CYFIP1: variants seen among roughly 807,000 people sequenced by gnomAD.
The protein encoded by CYFIP1 is cytoplasmic FMR1 interacting protein 1, also known as cytoplasmic FMR1-interacting protein 1.
CYFIP1 carries 58 observed loss-of-function variants against 163.5 expected under a neutral mutation model. The ratio of observed to expected loss-of-function variants is 0.35; its 90% confidence interval spans 0.29 to 0.44. CYFIP1 has a LOEUF of 0.44. CYFIP1 is among the 20% of genes least tolerant of loss of function. CYFIP1 has a pLI of 1.00. For synonymous variants in CYFIP1, 663 were observed against 660.7 expected, an observed-to-expected ratio of 1.00 and a Z score of -0.05; for missense variants, 1,338 against 1,653.8, an observed-to-expected ratio of 0.81 and a Z score of 3.31.
At chr15:22,915,945 C>A (rs943315740) in intron 16 of CYFIP1, among the ~76,000 whole-genome samples, 1 of 152,134 alleles carries the variant, frequency 6.6e-6, no homozygotes, top group African/African-American at 2.4e-5. Context: ...TCCAATACCT[C>A]GCAGCACCCC....
intron 13 of CYFIP1, among the ~76,000 whole-genome samples, chr15:22,920,008 C>T (rs1204223116): frequency 3.3e-5 from 5 of 151,404 alleles, no homozygotes; most frequent in African/African-American, 7.3e-5. Flanking sequence ...GGTGACAGAG[C>T]GAGACCCTGT....
chr15:22,966,867 G>A (rs977937278), intron 1 of CYFIP1, among the ~76,000 whole-genome samples: 31 of 152,038 alleles, frequency 2.0e-4, no homozygotes, highest in African/African-American at 4.8e-4. Flanking sequence ...TGTAAGACTC[G>A]CTAGCATCTG....
chr15:22,907,164 G>A (rs180932219), intron 21 of CYFIP1, among the ~76,000 whole-genome samples: 35 of 152,332 alleles, frequency 2.3e-4, no homozygotes, highest in Admixed American at 1.0e-3. Flanking sequence ...CAATTCCAGA[G>A]TCAGCAGGGC....
intron 11 of CYFIP1, among the ~76,000 whole-genome samples, chr15:22,928,928 CTGAG>C (rs1273415500): frequency 6.6e-6 from 1 of 151,808 alleles, no homozygotes; most frequent in Non-Finnish European, 1.5e-5. Flanking sequence ...TTAAAATCCT[CTGAG>C]TGAGGGGCCC....
At chr15:22,883,972 G>A (rs1254984096) in intron 23 of CYFIP1, among the ~76,000 whole-genome samples, 2 of 152,118 alleles carry the variant, frequency 1.3e-5, no homozygotes, top group Non-Finnish European at 2.9e-5. Context: ...AAAAGGCGAA[G>A]CCCCTTATAA....
chr15:22,972,210 C>T (rs1413583630), intron 1 of CYFIP1, among the ~76,000 whole-genome samples: 3 of 151,930 alleles, frequency 2.0e-5, no homozygotes, highest in Non-Finnish European at 4.4e-5. Context: ...CTGAGGTGGG[C>T]GGATCACCTG....
At chr15:22,950,654 T>C (rs1393432750) in intron 1 of CYFIP1, among the ~76,000 whole-genome samples, 3 of 152,180 alleles carry the variant, frequency 2.0e-5, no homozygotes, top group Non-Finnish European at 4.4e-5. Context: ...CTGTTCTGAG[T>C]AGGATGATAA....
chr15:22,895,862 G>A (rs372966101), intron 22 of CYFIP1, among the ~76,000 whole-genome samples: 11 of 152,200 alleles, frequency 7.2e-5, no homozygotes, highest in Non-Finnish European at 1.3e-4. Context: ...CCTGAGGAGC[G>A]TCCCACCTCA....
intron 11 of CYFIP1, among the ~76,000 whole-genome samples, chr15:22,931,346 T>C (rs2061530676): frequency 6.6e-6 from 1 of 151,956 alleles, no homozygotes; most frequent in African/African-American, 2.4e-5. Flanking sequence ...AATGACAACA[T>C]GGCAAACCCA....
chr15:22,942,775 G>A (rs749864821), intron 6 of CYFIP1, among the ~76,000 whole-genome samples: 7 of 152,320 alleles, frequency 4.6e-5, no homozygotes, highest in South Asian at 2.1e-4. Context: ...GACCGGCACC[G>A]AGGACTGCAG....
At chr15:22,940,897 C>T (rs966223439) in intron 6 of CYFIP1, among the ~76,000 whole-genome samples, 49 of 151,978 alleles carry the variant, frequency 3.2e-4, no homozygotes, top group African/African-American at 1.2e-3. Flanking sequence ...AAAATTAGCC[C>T]GGTGTGGTGG....
chr15:22,974,847 C>T (rs1477084418), intron 1 of CYFIP1, among the ~76,000 whole-genome samples: 2 of 152,164 alleles, frequency 1.3e-5, no homozygotes, highest in African/African-American at 2.4e-5. Flanking sequence ...TGCGGGTCCA[C>T]TTATTTGCAG....
chr15:22,965,672 C>T (rs2062878569), intron 1 of CYFIP1, among the ~76,000 whole-genome samples: 1 of 152,158 alleles, frequency 6.6e-6, no homozygotes. Flanking sequence ...ACTGTGATTC[C>T]TTGGAATGAC....
intron 13 of CYFIP1, among the ~76,000 whole-genome samples, chr15:22,923,008 A>G (rs1012914170): frequency 2.0e-5 from 3 of 152,156 alleles, no homozygotes; most frequent in African/African-American, 7.2e-5. Context: ...GAAAAAAAAA[A>G]AAGACTTTTA....
chr15:22,888,625 G>C (rs1423282565), intron 23 of CYFIP1, among the ~76,000 whole-genome samples: 1 of 152,082 alleles, frequency 6.6e-6, no homozygotes, highest in African/African-American at 2.4e-5. Flanking sequence ...CCAGCCACTT[G>C]GGAGGCTGAG....
intron 1 of CYFIP1, among the ~76,000 whole-genome samples, chr15:22,954,064 AAAAC>A (rs2062355622): frequency 6.6e-6 from 1 of 152,126 alleles, no homozygotes; most frequent in South Asian, 2.1e-4. Context: ...CAAAAAAACA[AAAAC>A]AAAAACAAAA....
rs182372505 is a variant in CYFIP1, at chr15:22,973,687, C to T, written c.-7+6600G>A. Among the ~76,000 whole-genome samples the T allele has an allele frequency of 3.9e-4, 59 of 151,976 alleles. 1 individual carries two copies. The highest frequency in any genetic ancestry group is 1.4e-3 in the African/African-American group (57 of 41,408). ...GGAAATAAAGCCTCAAAAGCAAAGG[C>T]CACAAAAGAAAAAATAGACAAATGG... On this transcript the variant is annotated intron_variant, in intron 1 of 30. Coordinates refer to ENST00000617928, the MANE Select transcript of CYFIP1 (RefSeq NM_014608.6).
In CYFIP1 at chr15:22,926,106, T is replaced by C. The variant is rs1249477354; in HGVS notation, c.1235A>G (p.Tyr412Cys). Residue 412 changes from tyrosine (Y) to cysteine (C), a missense_variant and splice_region_variant, in exon 13 of 31, where the codon TAT (tyrosine) becomes TGT (cysteine). Tyr to Cys is a radical substitution (Grantham distance 194). Transcript: ENST00000617928. ...GGTGGGGTGCACAAGCTTCCAGGAA[T>C]ACTGTGGTGGCCGAAAGAGCAGAGG... The part of the protein sequence containing the change: ...SQWSAHVMEV[Y>C]SWKLVHPTDK... The C allele has an allele frequency of 6.2e-7, 1 of 1,614,142 alleles. No individual in the cohort carries two copies. Among genetic ancestry groups the C allele is most frequent in the Non-Finnish European group, 8.5e-7 (1 of 1,180,012 alleles).
At position 22,869,544 on chromosome 15, in the gene CYFIP1, C is replaced by T. The variant is rs917168377; in HGVS notation, c.*484G>A. The T allele has an allele frequency of 6.6e-6, 1 of 152,388 alleles. No homozygotes were observed. The highest frequency in any genetic ancestry group is 1.5e-5 in the Non-Finnish European group (1 of 68,220). 9.4% of individuals were successfully genotyped at this position (152,388 alleles called of 1,614,324 possible). On this transcript the variant is annotated 3_prime_UTR_variant, in exon 31 of 31. Transcript: ENST00000617928. ...TTGTCACAACTGGATTTAGTGGAAG[C>T]AGGGGAATCAAGTTCACTATTTTCT...
Sources: allele counts gnomAD v4.1 joint callset (sites outside exome capture counted in the v4.1 genomes callset), GRCh38; gene constraint gnomAD v4.1.1; transcripts MANE v1.5; gene names NCBI Gene and HGNC (gene_info 2026-07-23, HGNC 2026-07-21).